LDB2: variants seen among roughly 807,000 people sequenced by gnomAD.
The protein encoded by LDB2 is LIM domain binding 2.
In LDB2, 12 loss-of-function variants were observed where a neutral mutation model predicts 44.3. The ratio of observed to expected loss-of-function variants is 0.27; its 90% confidence interval spans 0.17 to 0.44. The LOEUF is 0.44. LDB2 is among the 20% of genes least tolerant of loss of function. The pLI, the probability that LDB2 is intolerant of heterozygous loss-of-function variation, is 1.00. For missense variants in LDB2, 344 were observed against 473.5 expected (o/e 0.73, Z 2.54); for synonymous variants, 164 against 174.8 (o/e 0.94, Z 0.49).
At chr4:16,743,180 C>T (rs1269422665) in intron 2 of LDB2, among the ~76,000 whole-genome samples, 1 of 152,182 alleles carries the variant, frequency 6.6e-6, no homozygotes, top group Admixed American at 6.5e-5. Context: ...ATCCCAGCTA[C>T]TCAGGAGGCT....
chr4:16,818,341 A>G (rs1013827992), intron 1 of LDB2, among the ~76,000 whole-genome samples: 4 of 152,154 alleles, frequency 2.6e-5, no homozygotes, highest in Non-Finnish European at 4.4e-5. Context: ...ATTCTTACCC[A>G]ACACAGCCCC....
intron 2 of LDB2, among the ~76,000 whole-genome samples, chr4:16,758,018 T>C (rs1043472131): frequency 1.3e-5 from 2 of 152,160 alleles, no homozygotes; most frequent in African/African-American, 4.8e-5. Context: ...CCAGTTTCAG[T>C]TGGGCAGCAA....
intron 2 of LDB2, among the ~76,000 whole-genome samples, chr4:16,742,307 T>A (rs1257968125): frequency 2.6e-5 from 4 of 152,164 alleles, no homozygotes; most frequent in Non-Finnish European, 5.9e-5. Context: ...CCTGACCTTG[T>A]GATCCGCCCA....
rs386399372 is a variant in LDB2, at chr4:16,619,796, G to GTTT, written c.236-23924_236-23922dup. On this transcript the variant is annotated intron_variant, in intron 2 of 7. Coordinates refer to ENST00000304523, the MANE Select transcript of LDB2 (RefSeq NM_001290.5). ...TTGCAAGTTGCTAGTGGATATCTCT[G>GTTT]TTTTTTTTTTTTTTTCTCCTGGCTT... Among the ~76,000 whole-genome samples, 504 of 135,962 alleles carry GTTT rather than the reference G, an allele frequency of 3.7e-3. 14 individuals are homozygous for GTTT. Among genetic ancestry groups the GTTT allele is most frequent in the South Asian group, 0.019 (79 of 4,204 alleles). The allele number at this position is 135,962 out of a possible 152,430, so 89.2% of individuals were successfully genotyped here.
intron 2 of LDB2, among the ~76,000 whole-genome samples, chr4:16,746,048 C>G (rs1210674322): frequency 6.6e-6 from 1 of 152,124 alleles, no homozygotes. Context: ...CAGGTTTGTA[C>G]TGATGATGGA....
At chr4:16,859,590 C>T (rs1711788694) in intron 1 of LDB2, among the ~76,000 whole-genome samples, 1 of 152,176 alleles carries the variant, frequency 6.6e-6, no homozygotes, top group South Asian at 2.1e-4. Flanking sequence ...TACAACTATG[C>T]TTTCGGATTC....
chr4:16,774,416 T>C (rs757984094), intron 1 of LDB2, among the ~76,000 whole-genome samples: 11 of 152,178 alleles, frequency 7.2e-5, no homozygotes, highest in Non-Finnish European at 1.6e-4. Flanking sequence ...TATTTTACAT[T>C]ATGCCCAGTT....
chr4:16,795,950 AG>A (rs1203157720), intron 1 of LDB2, among the ~76,000 whole-genome samples: 1 of 152,160 alleles, frequency 6.6e-6, no homozygotes, highest in Non-Finnish European at 1.5e-5. Context: ...GGGTACTGAG[AG>A]GGAAGGAGGT....
chr4:16,765,108 G>A (rs1768907793), intron 1 of LDB2, among the ~76,000 whole-genome samples: 1 of 152,200 alleles, frequency 6.6e-6, no homozygotes, highest in Non-Finnish European at 1.5e-5. Context: ...CCACAAGTCT[G>A]ACATCTTGTT....
intron 1 of LDB2, among the ~76,000 whole-genome samples, chr4:16,760,594 A>G (rs1443449633): frequency 1.3e-5 from 2 of 152,132 alleles, no homozygotes; most frequent in African/African-American, 4.8e-5. Flanking sequence ...AGAAACAAAT[A>G]TGTATTGGGC....
intron 1 of LDB2, among the ~76,000 whole-genome samples, chr4:16,807,465 T>A (rs971081062): frequency 6.6e-6 from 1 of 152,226 alleles, no homozygotes; most frequent in Admixed American, 6.5e-5. Flanking sequence ...CTGTGAAGCA[T>A]GTTTTCACTC....
At position 16,821,384 on chromosome 4, in the gene LDB2, T is replaced by TTTTA. The variant is rs772157437; in HGVS notation, c.133-62125_133-62124insTAAA. ...CTACATGGAATATTTGAATTTTTTT[T>TTTTA]TTATTTTTTTTTTTTTGGAGACGGA... On this transcript the variant is annotated intron_variant, in intron 1 of 7. Coordinates refer to ENST00000304523, the MANE Select transcript of LDB2 (RefSeq NM_001290.5). 7.4e-3 allele frequency among the ~76,000 whole-genome samples: 278 copies of TTTTA among 37,390 alleles called. 3 individuals are homozygous for TTTTA. Among genetic ancestry groups the TTTTA allele is most frequent in the Middle Eastern group, 0.016 (1 of 64 alleles). The allele number at this position is 37,390 out of a possible 152,430, so 24.5% of individuals were successfully genotyped here.
At chr4:16,578,642 T>C (rs562324113) in intron 5 of LDB2, among the ~76,000 whole-genome samples, 1 of 152,276 alleles carries the variant, frequency 6.6e-6, no homozygotes, top group South Asian at 2.1e-4. Flanking sequence ...GAGAATAGTT[T>C]GGAGGTTCTT....
chr4:16,594,117 AGTTGGT>A (rs1720062034), intron 3 of LDB2, among the ~76,000 whole-genome samples: 1 of 151,580 alleles, frequency 6.6e-6, no homozygotes, highest in South Asian at 2.1e-4. Flanking sequence ...CAGCATAAGG[AGTTGGT>A]ATGTTTCTCT....
intron 2 of LDB2, among the ~76,000 whole-genome samples, chr4:16,677,467 G>C (rs1216207055): frequency 6.6e-6 from 1 of 152,176 alleles, no homozygotes; most frequent in Non-Finnish European, 1.5e-5. Flanking sequence ...GGTGACCAGA[G>C]GTAGGTAACA....
At chr4:16,535,716 G>A (rs1288713964) in intron 5 of LDB2, among the ~76,000 whole-genome samples, 1 of 152,156 alleles carries the variant, frequency 6.6e-6, no homozygotes, top group Non-Finnish European at 1.5e-5. Context: ...AATAGTAGTA[G>A]CACTTACTGA....
intron 1 of LDB2, among the ~76,000 whole-genome samples, chr4:16,766,804 A>G (rs1172059256): frequency 6.6e-6 from 1 of 151,928 alleles, no homozygotes; most frequent in Non-Finnish European, 1.5e-5. Flanking sequence ...GCTTGGCCCC[A>G]ATTTATATAT....
intron 2 of LDB2, among the ~76,000 whole-genome samples, chr4:16,734,419 C>A (rs1269697691): frequency 6.6e-6 from 1 of 152,226 alleles, no homozygotes; most frequent in Non-Finnish European, 1.5e-5. Flanking sequence ...GAAGTGGAAT[C>A]TCTGTTCCCT....
At chr4:16,887,300 C>G (rs1036472176) in intron 1 of LDB2, among the ~76,000 whole-genome samples, 67 of 151,950 alleles carry the variant, frequency 4.4e-4, no homozygotes, top group Non-Finnish European at 9.3e-4. Context: ...CCAAGTTAGC[C>G]CCGCTTGGGT....
Sources: allele counts gnomAD v4.1 joint callset (sites outside exome capture counted in the v4.1 genomes callset), GRCh38; gene constraint gnomAD v4.1.1; transcripts MANE v1.5; gene names NCBI Gene and HGNC (gene_info 2026-07-23, HGNC 2026-07-21).